The following CMPK1 variants were observed in gnomAD, a reference collection of about 807,000 sequenced individuals.
CMPK1 encodes the protein cytidine/uridine monophosphate kinase 1.
Under a neutral mutation model 25.7 loss-of-function variants are expected in CMPK1, and 10 were observed. That is an observed-to-expected ratio of 0.39 (90% CI 0.24 to 0.66). The LOEUF is 0.66. Ranked by LOEUF, CMPK1 falls within the 30% of genes least tolerant of loss-of-function variation. The probability of loss-of-function intolerance (pLI) is 0.48; values close to 1 mark genes in which losing one functional copy is unlikely to be tolerated. For missense variants in CMPK1, 199 were observed against 280.5 expected, an observed-to-expected ratio of 0.71 and a Z score of 2.08; for synonymous variants, 106 against 101.5, an observed-to-expected ratio of 1.04 and a Z score of -0.27.
chr1:47,371,769 T>G (rs778308671), intron 2 of CMPK1, among the ~76,000 whole-genome samples: 2 of 152,242 alleles, frequency 1.3e-5, no homozygotes, highest in Non-Finnish European at 2.9e-5. Flanking sequence ...ACAAAATGTT[T>G]GTTTTGAATT....
rs1303568940 is a variant in CMPK1 at position 47,375,137 on chromosome 1, T to C, written c.549-60T>C. The C allele has an allele frequency of 2.2e-6, 3 of 1,380,938 alleles. No individual in the cohort carries two copies. The African/African-American group carries it at 4.3e-5, about 20-fold the overall frequency. 85.5% of individuals were successfully genotyped at this position (1,380,938 alleles called of 1,614,324 possible). A position where few individuals can be genotyped will look rare whatever the true frequency, so the allele number is the denominator to read the frequency against. On this transcript the variant is annotated intron_variant, in intron 4 of 5. Transcript: ENST00000371873. ...AGATCCAGTGTTCTGTGAGCTCTCC[T>C]ATAACATGTAGAAGAAAGGATAGAT...
At chr1:47,349,707 T>A (rs1646508393) in intron 1 of CMPK1, among the ~76,000 whole-genome samples, 2 of 152,222 alleles carry the variant, frequency 1.3e-5, no homozygotes, top group East Asian at 1.9e-4. Context: ...AATTAAAAAA[T>A]TTTAAGAAAT....
intron 2 of CMPK1, 65 bp downstream of exon 2, chr1:47,368,680 G>A: frequency 7.2e-7 from 1 of 1,384,026 alleles, no homozygotes; most frequent in Non-Finnish European, 9.6e-7. Context: ...TTCACCTTTT[G>A]GCCAGGCAGT....
At chr1:47,334,453 TTAGCGTGTCGCTGATCGTGTGGCAGG>T (rs1646381241) in intron 1 of CMPK1, among the ~76,000 whole-genome samples, 1 of 152,142 alleles carries the variant, frequency 6.6e-6, no homozygotes, top group Admixed American at 6.5e-5. Flanking sequence ...CGCGCAGAGG[TTAGCGTGTCGCTGATCGTGTGGCAGG>T]TGAAGGCAGC....
chr1:47,339,202 T>C (rs992791756), intron 1 of CMPK1, among the ~76,000 whole-genome samples: 2 of 151,994 alleles, frequency 1.3e-5, no homozygotes, highest in Admixed American at 1.3e-4. Context: ...CATGCCACCA[T>C]GAATGCCATG....
chr1:47,337,276 C>A (rs1646405847), intron 1 of CMPK1, among the ~76,000 whole-genome samples: 1 of 151,804 alleles, frequency 6.6e-6, no homozygotes, highest in Admixed American at 6.6e-5. Flanking sequence ...TAGCGAGATT[C>A]CATCTCAAAA....
chr1:47,354,235 G>A (rs1052617651), intron 1 of CMPK1, among the ~76,000 whole-genome samples: 2 of 152,066 alleles, frequency 1.3e-5, no homozygotes, highest in Non-Finnish European at 1.5e-5. Context: ...AGGCTAAGGC[G>A]GCAGGATCAC....
intron 1 of CMPK1, among the ~76,000 whole-genome samples, chr1:47,363,882 G>A (rs1451869238): frequency 6.6e-6 from 1 of 152,158 alleles, no homozygotes; most frequent in Non-Finnish European, 1.5e-5. Flanking sequence ...GGCAGAGGTT[G>A]CAGTGAGCCA....
At chr1:47,343,524 C>CA (rs1557802389) in intron 1 of CMPK1, among the ~76,000 whole-genome samples, 2 of 148,582 alleles carry the variant, frequency 1.3e-5, no homozygotes, top group South Asian at 2.1e-4. Context: ...AAAAAAGTCT[C>CA]AAAAAAACCC....
At chr1:47,347,692 C>G (rs1646494900) in intron 1 of CMPK1, among the ~76,000 whole-genome samples, 1 of 152,162 alleles carries the variant, frequency 6.6e-6, no homozygotes, top group Non-Finnish European at 1.5e-5. Flanking sequence ...GTGGTGCAAT[C>G]TCAGCTCACT....
intron 1 of CMPK1, among the ~76,000 whole-genome samples, chr1:47,360,096 CTAAG>C (rs1393902679): frequency 1.3e-5 from 2 of 152,112 alleles, no homozygotes; most frequent in African/African-American, 4.8e-5. Context: ...ATTAACAAGA[CTAAG>C]TGAGCGTTTC....
intron 1 of CMPK1, among the ~76,000 whole-genome samples, chr1:47,356,486 C>T (rs1202132679): frequency 1.3e-5 from 2 of 152,186 alleles, no homozygotes; most frequent in Non-Finnish European, 2.9e-5. Context: ...TGGCCATTCA[C>T]TCACATTTAC....
intron 1 of CMPK1, among the ~76,000 whole-genome samples, chr1:47,344,350 T>G (rs1276221501): frequency 1.3e-5 from 2 of 152,102 alleles, no homozygotes; most frequent in Non-Finnish European, 2.9e-5. Flanking sequence ...GTTATCCTTG[T>G]ATAGGGTTAC....
At position 47,363,259 on chromosome 1, in the gene CMPK1, C is replaced by G. The variant is rs189055448; in HGVS notation, c.172-5210C>G. On this transcript the variant is annotated intron_variant, in intron 1 of 5. Transcript: ENST00000371873. Reference sequence around the variant, plus strand: ...GTACTGAATGTGTATGCTTTCACACCATTGTAAAGTCGAAAAATCCTAAAT... The same window carrying G: ...GTACTGAATGTGTATGCTTTCACACGATTGTAAAGTCGAAAAATCCTAAAT... Among the ~76,000 whole-genome samples the G allele has an allele frequency of 3.3e-5, 5 of 152,232 alleles. No individual in the cohort carries two copies. In the East Asian group the frequency reaches 9.7e-4, roughly 29 times the overall value.
At chr1:47,363,762 G>C (rs1425863498) in intron 1 of CMPK1, among the ~76,000 whole-genome samples, 1 of 152,032 alleles carries the variant, frequency 6.6e-6, no homozygotes, top group African/African-American at 2.4e-5. Flanking sequence ...GGACAACATG[G>C]TGAAACCCCA....
chr1:47,349,453 A>G (rs1440676879), intron 1 of CMPK1, among the ~76,000 whole-genome samples: 2 of 152,196 alleles, frequency 1.3e-5, no homozygotes, highest in African/African-American at 4.8e-5. Context: ...TGTACCTCAA[A>G]ACTTCTGTGT....
At chr1:47,354,863 C>T (rs899759062) in intron 1 of CMPK1, among the ~76,000 whole-genome samples, 9 of 152,110 alleles carry the variant, frequency 5.9e-5, no homozygotes, top group Non-Finnish European at 8.8e-5. Context: ...TTTGAGCAAA[C>T]TTAAACTTGG....
At chr1:47,340,363 C>T (rs1646432751) in intron 1 of CMPK1, among the ~76,000 whole-genome samples, 1 of 151,848 alleles carries the variant, frequency 6.6e-6, no homozygotes, top group Admixed American at 6.6e-5. Flanking sequence ...TCTCAAACTC[C>T]TGGATTCAAA....
At chr1:47,376,505 G>A (rs1279233692) in intron 5 of CMPK1, among the ~76,000 whole-genome samples, 199 bp from the exon 6 acceptor site, 3 of 151,936 alleles carry the variant, frequency 2.0e-5, no homozygotes, top group African/African-American at 4.8e-5. Context: ...TAGTAGAGAC[G>A]GGGTTTTGCC....
Sources: allele counts gnomAD v4.1 joint callset (sites outside exome capture counted in the v4.1 genomes callset), GRCh38; gene constraint gnomAD v4.1.1; transcripts MANE v1.5; gene names NCBI Gene and HGNC (gene_info 2026-07-23, HGNC 2026-07-21).